TMCO5A: variants seen among roughly 807,000 people sequenced by gnomAD.
TMCO5A encodes transmembrane and coiled-coil domains 5A.
TMCO5A carries 34 observed loss-of-function variants against 42.3 expected under a neutral mutation model. The ratio of observed to expected loss-of-function variants is 0.80; its 90% CI spans 0.61 to 1.07. TMCO5A has a LOEUF of 1.07. Ranked by LOEUF, TMCO5A falls within the 50% of genes least tolerant of loss-of-function variation. The pLI is 0.00. For synonymous variants in TMCO5A, 131 were observed against 115.6 expected, an observed-to-expected ratio of 1.13 and a Z score of -0.86; for missense variants, 357 against 327.9, an observed-to-expected ratio of 1.09 and a Z score of -0.69.
chr15:37,958,838 T>C (rs1890354898), intron 11 of TMCO5A, among the ~76,000 whole-genome samples: 1 of 152,152 alleles, frequency 6.6e-6, no homozygotes, highest in African/African-American at 2.4e-5. Context: ...ACTGTGGCAC[T>C]GTTCACAATA....
At chr15:37,964,906 A>C (rs902754478) in intron 11 of TMCO5A, among the ~76,000 whole-genome samples, 11 of 152,154 alleles carry the variant, frequency 7.2e-5, no homozygotes, top group Non-Finnish European at 1.3e-4. Context: ...TAAATTTAAA[A>C]AAACTATTCT....
intron 6 of TMCO5A, among the ~76,000 whole-genome samples, chr15:37,938,487 G>T (rs888659223): frequency 3.3e-5 from 5 of 152,074 alleles, no homozygotes; most frequent in African/African-American, 9.7e-5. Context: ...GGCAGTTAAA[G>T]TCCCCAGTTT....
At chr15:37,983,628 C>T in the TMCO5A span, among the ~76,000 whole-genome samples, 1 of 152,036 alleles carries the variant, frequency 6.6e-6, no homozygotes, top group South Asian at 2.1e-4. Flanking sequence ...TTCTCAGGTA[C>T]CATGAGGTAC....
the TMCO5A span, among the ~76,000 whole-genome samples, chr15:38,015,442 A>G: frequency 2.0e-5 from 3 of 152,206 alleles, no homozygotes; most frequent in Admixed American, 2.0e-4. Context: ...AACTGTATTC[A>G]TTGCTGGTGG....
At chr15:38,005,409 A>C in the TMCO5A span, among the ~76,000 whole-genome samples, 1 of 148,964 alleles carries the variant, frequency 6.7e-6, no homozygotes, top group Non-Finnish European at 1.5e-5. Flanking sequence ...AAAAAAAAAA[A>C]AAAAAAAAAA....
At chr15:37,943,439 T>C (rs1416816782) in intron 10 of TMCO5A, 41 bp downstream of exon 10, 1 of 1,601,288 alleles carries the variant, frequency 6.2e-7, no homozygotes, top group Admixed American at 1.7e-5. Context: ...ACAGTGTCAT[T>C]GCCTTTCAAA....
the TMCO5A span, among the ~76,000 whole-genome samples, chr15:37,985,766 C>T: frequency 6.6e-6 from 1 of 152,118 alleles, no homozygotes; most frequent in Admixed American, 6.5e-5. Flanking sequence ...TAATTGAAAA[C>T]ACTCTGTTAT....
Position 37,936,926 on chromosome 15 carries a change from A to C in TMCO5A, c.220A>C (p.Arg74=), listed in dbSNP as rs1295115709. 3 of 1,612,614 alleles carry C rather than the reference A, an allele frequency of 1.9e-6. No homozygotes were observed. Among genetic ancestry groups the C allele is most frequent in the Non-Finnish European group, 2.5e-6 (3 of 1,179,174 alleles). The part of the protein sequence containing the change: ...WEKENRTTME[R]ERALQELEEE... ...GAAGGAGAACCGCACCACGATGGAA[A>C]GGGAAAGAGCCTTGCAGGAGCTGGA... The change falls in exon 4 of 12, where the codon AGG becomes CGG. Residue 74 remains arginine, a synonymous_variant. Transcript: ENST00000319669.
At chr15:37,964,879 C>T (rs1426638063) in intron 11 of TMCO5A, among the ~76,000 whole-genome samples, 1 of 151,896 alleles carries the variant, frequency 6.6e-6, no homozygotes, top group African/African-American at 2.4e-5. Flanking sequence ...ATCAAAATAC[C>T]AACGACATTC....
At position 37,936,855 on chromosome 15, in the gene TMCO5A, G is replaced by T. The variant is rs1889530103; in HGVS notation, c.149G>T (p.Ser50Ile). 6.2e-6 allele frequency: 10 copies of T among 1,611,850 alleles called. No individual in the cohort carries two copies. The highest frequency in any genetic ancestry group is 8.5e-6 in the Non-Finnish European group (10 of 1,178,866). The change falls in exon 4 of 12, where the codon AGT becomes ATT. Residue 50 changes from serine to isoleucine, a missense_variant. Coordinates refer to ENST00000319669, the MANE Select transcript of TMCO5A (RefSeq NM_152453.4). ...EREDKIQRLESEIIQTRGLVE... is the reference protein window; with the variant it reads ...EREDKIQRLEIEIIQTRGLVE... ...GTGCTTGTGTTGTCCAGGCTGGAAA[G>T]TGAGATCATTCAGACGCGGGGCCTG...
the TMCO5A span, among the ~76,000 whole-genome samples, chr15:37,989,911 T>A: frequency 6.6e-6 from 1 of 152,006 alleles, no homozygotes; most frequent in East Asian, 1.9e-4. Flanking sequence ...GAGGAGAGAG[T>A]TCTCCCAAAA....
At chr15:37,986,868 A>G in the TMCO5A span, among the ~76,000 whole-genome samples, 6 of 152,074 alleles carry the variant, frequency 3.9e-5, no homozygotes, top group African/African-American at 1.2e-4. Flanking sequence ...TGCTATGAAC[A>G]TCGGGGTACA....
the TMCO5A span, among the ~76,000 whole-genome samples, chr15:38,001,565 T>G: frequency 1.2e-4 from 19 of 152,080 alleles, no homozygotes; most frequent in South Asian, 4.0e-3. Context: ...GTATCCTGAT[T>G]GTTTTGTGGT....
At chr15:38,015,770 T>C in the TMCO5A span, among the ~76,000 whole-genome samples, 30 of 152,132 alleles carry the variant, frequency 2.0e-4, no homozygotes, top group Admixed American at 1.0e-3. Flanking sequence ...GATGGAGGAA[T>C]CTTCAACATA....
the TMCO5A span, among the ~76,000 whole-genome samples, chr15:38,032,926 C>CTTTT: frequency 1.0e-5 from 1 of 100,166 alleles, no homozygotes; most frequent in African/African-American, 3.6e-5. Flanking sequence ...AATTTGGTCT[C>CTTTT]TTTTTTTTTT....
chr15:38,013,930 C>T, the TMCO5A span, among the ~76,000 whole-genome samples: 71 of 152,288 alleles, frequency 4.7e-4, no homozygotes, highest in South Asian at 2.1e-4. Flanking sequence ...TTTTTAGCTT[C>T]TAAAGGTGAA....
the TMCO5A span, among the ~76,000 whole-genome samples, chr15:37,989,980 C>A: frequency 6.6e-6 from 1 of 152,042 alleles, no homozygotes. Context: ...CATATTCAGA[C>A]CACAGCAGAT....
At chr15:37,962,947 A>G (rs1890468187) in intron 11 of TMCO5A, among the ~76,000 whole-genome samples, 1 of 151,962 alleles carries the variant, frequency 6.6e-6, no homozygotes, top group Non-Finnish European at 1.5e-5. Context: ...CTTTATTTAT[A>G]TTGCTAATGA....
At chr15:37,954,308 GA>G (rs1890231839), downstream of TMCO5A, among the ~76,000 whole-genome samples, 1 of 151,846 alleles carries the variant, frequency 6.6e-6, no homozygotes, top group Non-Finnish European at 1.5e-5. Flanking sequence ...TGCAGCAAGA[GA>G]AAAGAAAAAA....
Sources: gnomAD v4.1 joint callset for allele counts (sites outside exome capture counted in the v4.1 genomes callset) on GRCh38, gnomAD v4.1.1 for gene constraint, MANE v1.5 for transcripts, NCBI Gene and HGNC (gene_info 2026-07-23, HGNC 2026-07-21) for gene names.